CLSTN2: variants seen among roughly 807,000 people sequenced by gnomAD.
CLSTN2 encodes calsyntenin-2.
In CLSTN2, 48 loss-of-function variants were observed where a neutral mutation model predicts 101.2. The observed-to-expected ratio is 0.47, with a 90% CI of 0.38 to 0.60. The LOEUF is 0.60. Ranked by LOEUF, CLSTN2 falls within the 20% of genes least tolerant of loss-of-function variation. The pLI, the probability that CLSTN2 is intolerant of heterozygous loss-of-function variation, is 0.00. For missense variants in CLSTN2, 1,160 were observed against 1,238.2 expected (o/e 0.94, Z 0.95); for synonymous variants, 481 against 463.6 (o/e 1.04, Z -0.48).
intron 2 of CLSTN2, among the ~76,000 whole-genome samples, chr3:140,372,365 G>A (rs1487896924): frequency 1.3e-5 from 2 of 152,162 alleles, no homozygotes; most frequent in Non-Finnish European, 2.9e-5. Context: ...TGCTCATGTT[G>A]TTTATTTTGC....
In CLSTN2 at chr3:140,202,810, G is replaced by A. The variant is rs185503663; in HGVS notation, c.232+26737G>A. Among the ~76,000 whole-genome samples, 21 of 152,318 alleles carry A rather than the reference G, an allele frequency of 1.4e-4. No individual in the cohort carries two copies. The East Asian group carries it at 3.5e-3, about 25-fold the overall frequency. ...AAGACAGTATAGAAGGAGCGTGGAA[G>A]AGACTAGTGAGATGCCCACCCAACA... On this transcript the variant is annotated intron_variant, in intron 2 of 16. Transcript: ENST00000458420.
At chr3:139,993,448 A>G (rs1045402560) in intron 1 of CLSTN2, among the ~76,000 whole-genome samples, 1 of 152,146 alleles carries the variant, frequency 6.6e-6, no homozygotes, top group Admixed American at 6.5e-5. Flanking sequence ...GGAGTCTGCA[A>G]GGAAGAGGAG....
intron 1 of CLSTN2, among the ~76,000 whole-genome samples, chr3:139,936,086 G>T (rs1935014487): frequency 6.6e-6 from 1 of 152,150 alleles, no homozygotes; most frequent in African/African-American, 2.4e-5. Flanking sequence ...TTCCTACTCC[G>T]CTCTGACTAC....
chr3:140,044,925 G>A (rs7433809), intron 1 of CLSTN2, among the ~76,000 whole-genome samples: 9,095 of 152,146 alleles, frequency 0.06, 340 homozygotes, highest in Non-Finnish European at 0.079. Context: ...TGCTGGATTC[G>A]GTTTGCCAAT....
intron 1 of CLSTN2, among the ~76,000 whole-genome samples, chr3:140,004,690 C>G (rs16849641): frequency 0.019 from 2,938 of 152,240 alleles, 35 homozygotes; most frequent in Middle Eastern, 0.088. Flanking sequence ...TATTTCCAGT[C>G]AAGAAGGTTT....
At chr3:140,517,690 C>T (rs577066009) in intron 8 of CLSTN2, among the ~76,000 whole-genome samples, 65 of 152,260 alleles carry the variant, frequency 4.3e-4, no homozygotes, top group African/African-American at 1.3e-3. Context: ...TTCTCTCGGC[C>T]GTGGACACCA....
At chr3:140,428,643 A>C (rs73867171) in intron 5 of CLSTN2, among the ~76,000 whole-genome samples, 159 of 152,298 alleles carry the variant, frequency 1.0e-3, no homozygotes, top group African/African-American at 3.6e-3. Flanking sequence ...AATTCACACA[A>C]CACCACCAGT....
At chr3:139,957,584 C>T (rs1291545656) in intron 1 of CLSTN2, among the ~76,000 whole-genome samples, 1 of 151,852 alleles carries the variant, frequency 6.6e-6, no homozygotes, top group Non-Finnish European at 1.5e-5. Context: ...TACTGGCATC[C>T]CAGCATCTGG....
At chr3:140,126,262 G>T (rs1380373486) in intron 1 of CLSTN2, among the ~76,000 whole-genome samples, 1 of 152,118 alleles carries the variant, frequency 6.6e-6, no homozygotes, top group Non-Finnish European at 1.5e-5. Context: ...AGTGCTTGGA[G>T]AATGGCATGG....
At chr3:140,511,837 T>A (rs112921160) in intron 8 of CLSTN2, among the ~76,000 whole-genome samples, 18,816 of 151,952 alleles carry the variant, frequency 0.12, 1,516 homozygotes, top group Non-Finnish European at 0.17. Context: ...CCATTCTGAC[T>A]GGTGTGAGGT....
chr3:140,565,270 C>A (rs939743664), intron 16 of CLSTN2, among the ~76,000 whole-genome samples: 3 of 151,950 alleles, frequency 2.0e-5, no homozygotes, highest in African/African-American at 4.8e-5. Flanking sequence ...CTAGGGGAGA[C>A]CTTGAAGAGT....
intron 2 of CLSTN2, among the ~76,000 whole-genome samples, chr3:140,299,377 A>G (rs1467572006): frequency 6.6e-6 from 1 of 152,228 alleles, no homozygotes; most frequent in African/African-American, 2.4e-5. Flanking sequence ...GCTCCAGTAT[A>G]TATAGTCAGT....
At chr3:140,000,477 A>G (rs1031082635) in intron 1 of CLSTN2, among the ~76,000 whole-genome samples, 1 of 152,246 alleles carries the variant, frequency 6.6e-6, no homozygotes, top group African/African-American at 2.4e-5. Context: ...CAATTGTGAT[A>G]ATATAATGAA....
chr3:140,369,253 A>G (rs1460807112), intron 2 of CLSTN2, among the ~76,000 whole-genome samples: 3 of 152,260 alleles, frequency 2.0e-5, no homozygotes, highest in South Asian at 2.1e-4. Flanking sequence ...AGACACTTCA[A>G]TTGTTATACC....
intron 2 of CLSTN2, among the ~76,000 whole-genome samples, chr3:140,359,006 C>G (rs2087701305): frequency 6.6e-6 from 1 of 152,174 alleles, no homozygotes; most frequent in African/African-American, 2.4e-5. Context: ...ATTCAGACAT[C>G]TATACCAAGA....
At chr3:140,142,187 A>C (rs898157193) in intron 1 of CLSTN2, among the ~76,000 whole-genome samples, 3 of 152,176 alleles carry the variant, frequency 2.0e-5, no homozygotes, top group African/African-American at 7.2e-5. Flanking sequence ...GTGTTTGCGA[A>C]GTCCCAACTT....
chr3:140,415,782 ACAT>A (rs1367562073), intron 4 of CLSTN2, among the ~76,000 whole-genome samples: 2 of 152,184 alleles, frequency 1.3e-5, no homozygotes, highest in East Asian at 3.8e-4. Context: ...ATTACGGAAA[ACAT>A]CATGAATGTA....
chr3:140,239,449 AAG>A (rs1469181623), intron 2 of CLSTN2, among the ~76,000 whole-genome samples: 1 of 152,202 alleles, frequency 6.6e-6, no homozygotes, highest in East Asian at 1.9e-4. Context: ...TACTTGTTAA[AAG>A]AGTTTTTAAA....
chr3:140,140,977 C>T (rs1304189630), intron 1 of CLSTN2, among the ~76,000 whole-genome samples: 2 of 152,184 alleles, frequency 1.3e-5, no homozygotes, highest in Non-Finnish European at 2.9e-5. Context: ...TCTACCACAG[C>T]AATAGCAATA....
Sources: allele counts gnomAD v4.1 joint callset (sites outside exome capture counted in the v4.1 genomes callset), GRCh38; gene constraint gnomAD v4.1.1; transcripts MANE v1.5; gene names NCBI Gene and HGNC (gene_info 2026-07-23, HGNC 2026-07-21).